The following PPP2R2A variants were observed in gnomAD, a reference collection of about 807,000 sequenced individuals.
The protein encoded by PPP2R2A is protein phosphatase 2 regulatory subunit Balpha.
In PPP2R2A, 9 loss-of-function variants were observed where a neutral mutation model predicts 53.2. That is an observed-to-expected ratio of 0.17 (90% CI 0.10 to 0.30). The LOEUF (loss-of-function observed/expected upper bound fraction) is 0.30, where lower values mean the gene tolerates loss of function less well. Ranked by LOEUF, PPP2R2A falls within the 10% of genes least tolerant of loss-of-function variation. The pLI, the probability that PPP2R2A is intolerant of heterozygous loss-of-function variation, is 1.00. For missense variants in PPP2R2A, 235 were observed against 534.6 expected (o/e 0.44, Z 5.53); for synonymous variants, 169 against 174.2 (o/e 0.97, Z 0.23).
Position 26,360,156 on chromosome 8 carries a change from A to T in PPP2R2A, c.347-13A>T. On this transcript the variant is annotated splice_polypyrimidine_tract_variant and intron_variant, in intron 4 of 9. Coordinates refer to ENST00000380737, the MANE Select transcript of PPP2R2A (RefSeq NM_002717.4). This position sits in a 1 kb window ranked among gnomAD's most constrained non-coding sequence, Gnocchi z 4.5. Reference sequence around the variant, plus strand: ...TTCAGTATTTTAAGGACTTTTCTTTATTTTCTTCCCAGATAAAACAATAAA... The same window carrying T: ...TTCAGTATTTTAAGGACTTTTCTTTTTTTTCTTCCCAGATAAAACAATAAA... 1 of 1,454,108 alleles carries T rather than the reference A, an allele frequency of 6.9e-7. No homozygotes were observed. Among genetic ancestry groups the T allele is most frequent in the South Asian group, 1.2e-5 (1 of 83,752 alleles). The allele number at this position is 1,454,108 out of a possible 1,614,324, so 90.1% of individuals were successfully genotyped here. A position where few individuals can be genotyped will look rare whatever the true frequency, so the allele number is the denominator to read the frequency against.
At chr8:26,343,980 C>G (rs553356705) in intron 3 of PPP2R2A, among the ~76,000 whole-genome samples, 65 of 152,080 alleles carry the variant, frequency 4.3e-4, no homozygotes, top group Non-Finnish European at 7.4e-4. Context: ...TGTCCATGAG[C>G]CCTCAATTTT....
intron 2 of PPP2R2A, among the ~76,000 whole-genome samples, chr8:26,303,638 T>C (rs922038665): frequency 3.9e-5 from 6 of 152,228 alleles, no homozygotes; most frequent in Admixed American, 6.5e-5. Flanking sequence ...AAGGATGTAG[T>C]ATCAACTATT....
At chr8:26,348,702 G>A (rs1044281760) in intron 3 of PPP2R2A, among the ~76,000 whole-genome samples, 1 of 152,196 alleles carries the variant, frequency 6.6e-6, no homozygotes, top group Non-Finnish European at 1.5e-5. Context: ...GTTGAAAAAT[G>A]TTAAGTGAAA....
intron 2 of PPP2R2A, among the ~76,000 whole-genome samples, chr8:26,301,908 A>G (rs919533339): frequency 6.6e-6 from 1 of 152,220 alleles, no homozygotes; most frequent in Admixed American, 6.5e-5. Flanking sequence ...GGTAATCTTC[A>G]TTACCATGTA....
chr8:26,330,880 C>G (rs1803334421), intron 2 of PPP2R2A, among the ~76,000 whole-genome samples: 1 of 152,244 alleles, frequency 6.6e-6, no homozygotes, highest in African/African-American at 2.4e-5. Context: ...TTGATCCTTT[C>G]CAAGGATCAA....
intron 2 of PPP2R2A, among the ~76,000 whole-genome samples, chr8:26,319,205 A>T (rs1286532720): frequency 6.6e-6 from 1 of 152,070 alleles, no homozygotes; most frequent in Non-Finnish European, 1.5e-5. Context: ...TTGTTCACTC[A>T]TCTCTTGATG....
intron 9 of PPP2R2A, among the ~76,000 whole-genome samples, chr8:26,369,095 G>C (rs534829166): frequency 6.7e-5 from 10 of 149,992 alleles, no homozygotes; most frequent in Non-Finnish European, 1.2e-4. Flanking sequence ...GCAACAGAGC[G>C]AGACTCCGTC....
intron 3 of PPP2R2A, among the ~76,000 whole-genome samples, chr8:26,349,351 A>G (rs1187866335): frequency 1.3e-5 from 2 of 152,170 alleles, no homozygotes; most frequent in East Asian, 3.8e-4. Flanking sequence ...TCAGGTTGAA[A>G]TACTGCCTTC....
Position 26,360,607 on chromosome 8 carries a change from C to G in PPP2R2A, c.459+326C>G, listed in dbSNP as rs1303869171. On this transcript the variant is annotated intron_variant, in intron 5 of 9. Coordinates refer to ENST00000380737, the MANE Select transcript of PPP2R2A (RefSeq NM_002717.4). The surrounding 1 kb of genome is among the most constrained non-coding windows in gnomAD (Gnocchi z 4.5). ...GGAAATCAAAAAAGTAGATACAGAT[C>G]AAATCTTCTAGTTGTAGCTAAAAAA... The G allele has an allele frequency of 3.5e-6, 1 of 282,738 alleles. No homozygotes were observed. Among genetic ancestry groups the G allele is most frequent in the Admixed American group, 5.1e-5 (1 of 19,600 alleles). The allele number at this position is 282,738 out of a possible 1,614,324, so 17.5% of individuals were successfully genotyped here.
intron 6 of PPP2R2A, among the ~76,000 whole-genome samples, chr8:26,361,367 C>T (rs1484218913): frequency 6.6e-6 from 1 of 152,120 alleles, no homozygotes; most frequent in Admixed American, 6.5e-5. Flanking sequence ...AAATTGGATT[C>T]ATGGAATTTT....
intron 2 of PPP2R2A, among the ~76,000 whole-genome samples, chr8:26,335,403 G>C (rs1187211778): frequency 6.6e-6 from 1 of 152,124 alleles, no homozygotes; most frequent in Non-Finnish European, 1.5e-5. Context: ...CCATGACGTA[G>C]TGATATATTT....
chr8:26,360,599 A>C lies in PPP2R2A; in HGVS notation c.459+318A>C, dbSNP rs1199120228. On this transcript the variant is annotated intron_variant, in intron 5 of 9. Transcript: ENST00000380737. The surrounding 1 kb of genome is among the most constrained non-coding windows in gnomAD (Gnocchi z 4.5). ...TTTTCTTTGGAAATCAAAAAAGTAG[A>C]TACAGATCAAATCTTCTAGTTGTAG... 2 of 284,014 alleles carry C rather than the reference A, an allele frequency of 7.0e-6. No homozygotes were observed. Among genetic ancestry groups the C allele is most frequent in the African/African-American group, 4.4e-5 (2 of 45,604 alleles). 17.6% of individuals were successfully genotyped at this position (284,014 alleles called of 1,614,324 possible).
rs1804519852 is a variant in PPP2R2A at position 26,351,624 on chromosome 8, G to C, written c.181-2844G>C. Among the ~76,000 whole-genome samples the C allele has an allele frequency of 1.3e-5, 2 of 152,110 alleles. 1 individual carries two copies. The highest frequency in any genetic ancestry group is 4.2e-4 in the South Asian group (2 of 4,814). ...CTGTAATCACTTTACGAGTGGTTTT[G>C]GGAAGGGGTCGAGCTTCATTTTATT... On this transcript the variant is annotated intron_variant, in intron 3 of 9. Coordinates refer to ENST00000380737, the MANE Select transcript of PPP2R2A (RefSeq NM_002717.4).
Position 26,296,486 on chromosome 8 carries a change from C to A in PPP2R2A, c.82+2746C>A, listed in dbSNP as rs563058715. Among the ~76,000 whole-genome samples the A allele has an allele frequency of 7.9e-5, 12 of 152,354 alleles. No homozygotes were observed. The South Asian group carries it at 2.3e-3, about 29-fold the overall frequency. On this transcript the variant is annotated intron_variant, in intron 2 of 9. Coordinates refer to ENST00000380737, the MANE Select transcript of PPP2R2A (RefSeq NM_002717.4). ...GTTCTCTTACCAGGATCCTGCTCAT[C>A]TCTCAAGTCACGCCTTTAACCTTTT...
intron 8 of PPP2R2A, 168 bp from the exon 9 acceptor site, chr8:26,366,147 G>A (rs1489523768): frequency 1.7e-6 from 1 of 572,192 alleles, no homozygotes; most frequent in African/African-American, 2.0e-5. Context: ...GGGCTTGTGT[G>A]TTTTGTAAAA....
intron 2 of PPP2R2A, among the ~76,000 whole-genome samples, chr8:26,324,025 C>A (rs1347353785): frequency 6.6e-6 from 1 of 152,208 alleles, no homozygotes; most frequent in Non-Finnish European, 1.5e-5. Flanking sequence ...TTACCGTGGC[C>A]TACAAGGCCA....
chr8:26,314,557 TTGCC>T (rs1366236538), intron 2 of PPP2R2A, among the ~76,000 whole-genome samples: 1 of 152,192 alleles, frequency 6.6e-6, no homozygotes, highest in African/African-American at 2.4e-5. Flanking sequence ...TTTTGAGATC[TTGCC>T]TGCCTGGAAG....
intron 4 of PPP2R2A, among the ~76,000 whole-genome samples, chr8:26,357,555 CATT>C (rs1804858968): frequency 6.6e-6 from 1 of 152,102 alleles, no homozygotes. Flanking sequence ...TCTGAATTCT[CATT>C]AATTCCTCTA....
intron 2 of PPP2R2A, among the ~76,000 whole-genome samples, chr8:26,326,688 G>A (rs1447228643): frequency 6.6e-6 from 1 of 152,134 alleles, no homozygotes; most frequent in Non-Finnish European, 1.5e-5. Flanking sequence ...CTACTTGTTT[G>A]TATAATCTCC....
Sources: gnomAD v4.1 joint callset for allele counts (sites outside exome capture counted in the v4.1 genomes callset) on GRCh38, gnomAD v4.1.1 for gene constraint, Gnocchi (gnomAD v3.1) non-coding constraint, MANE v1.5 for transcripts, NCBI Gene and HGNC (gene_info 2026-07-23, HGNC 2026-07-21) for gene names.